NRXN3: variants seen among roughly 807,000 people sequenced by gnomAD.
NRXN3 encodes the protein neurexin 3.
A neutral mutation model predicts 137.6 loss-of-function variants in NRXN3; 32 were observed. That is an observed-to-expected ratio of 0.23 (90% CI 0.18 to 0.31). The LOEUF is 0.31. Among genes scored for constraint, NRXN3 ranks in the 10% least tolerant of loss-of-function variants. The probability of loss-of-function intolerance (pLI) is 1.00; values close to 1 mark genes in which losing one functional copy is unlikely to be tolerated. For synonymous variants in NRXN3, 798 were observed against 784.5 expected, an observed-to-expected ratio of 1.02 and a Z score of -0.29; for missense variants, 1,574 against 2,062.5, an observed-to-expected ratio of 0.76 and a Z score of 4.59.
At chr14:78,702,904 C>T (rs1176558992) in intron 6 of NRXN3, among the ~76,000 whole-genome samples, 1 of 152,156 alleles carries the variant, frequency 6.6e-6, no homozygotes, top group African/African-American at 2.4e-5. Context: ...ACCATCATCT[C>T]CTTTATTTCT....
chr14:79,784,614 C>CTT (rs540234381), intron 19 of NRXN3, among the ~76,000 whole-genome samples: 88 of 76,536 alleles, frequency 1.1e-3, no homozygotes, highest in African/African-American at 3.2e-3. Context: ...TGTTGTGTTG[C>CTT]TTTTTTTTTT....
At chr14:78,814,530 G>A (rs887031510) in intron 10 of NRXN3, among the ~76,000 whole-genome samples, 3 of 152,134 alleles carry the variant, frequency 2.0e-5, no homozygotes, top group African/African-American at 7.2e-5. Context: ...CAGGAGAATC[G>A]CTTGAATCCA....
At chr14:79,700,774 A>C (rs746595852) in intron 19 of NRXN3, among the ~76,000 whole-genome samples, 1 of 152,008 alleles carries the variant, frequency 6.6e-6, no homozygotes, top group Non-Finnish European at 1.5e-5. Flanking sequence ...GATCTTTCTG[A>C]TTCCATTTTG....
At chr14:78,304,624 G>A (rs147113905) in intron 4 of NRXN3, among the ~76,000 whole-genome samples, 5 of 152,170 alleles carry the variant, frequency 3.3e-5, no homozygotes, top group East Asian at 3.8e-4. Context: ...GGGATTGCCC[G>A]TTCTGGATGA....
chr14:79,797,436 G>A (rs1189407766), intron 19 of NRXN3, among the ~76,000 whole-genome samples: 2 of 152,234 alleles, frequency 1.3e-5, no homozygotes, highest in South Asian at 4.1e-4. Flanking sequence ...CATAGACATA[G>A]GATACAAGGG....
At chr14:79,355,420 A>T (rs2093388205) in intron 15 of NRXN3, among the ~76,000 whole-genome samples, 2 of 152,194 alleles carry the variant, frequency 1.3e-5, no homozygotes, top group African/African-American at 4.8e-5. Context: ...AGGAGCAGGG[A>T]TTATAAAGCT....
At chr14:79,261,949 TCA>T (rs895625744) in intron 15 of NRXN3, among the ~76,000 whole-genome samples, 5 of 152,012 alleles carry the variant, frequency 3.3e-5, no homozygotes, top group African/African-American at 1.2e-4. Flanking sequence ...TGTATGACTC[TCA>T]GATGCTAATG....
intron 2 of NRXN3, among the ~76,000 whole-genome samples, chr14:78,271,053 G>C (rs1259736065): frequency 6.6e-6 from 1 of 152,162 alleles, no homozygotes; most frequent in Non-Finnish European, 1.5e-5. Flanking sequence ...TCCAATTCCA[G>C]GAGATCCTCC....
intron 4 of NRXN3, among the ~76,000 whole-genome samples, chr14:78,493,019 A>G (rs1458284193): frequency 6.6e-6 from 1 of 152,116 alleles, no homozygotes; most frequent in African/African-American, 2.4e-5. Context: ...CTGGTTCTGC[A>G]TAGAAAGTCT....
chr14:78,799,062 G>C (rs2098795), intron 8 of NRXN3, among the ~76,000 whole-genome samples: 145,494 of 152,346 alleles, frequency 0.96, 69,821 homozygotes, highest in East Asian at 1. Context: ...TTGTCTTGGC[G>C]ATTAACATTT....
intron 15 of NRXN3, among the ~76,000 whole-genome samples, chr14:79,430,743 A>T (rs1028977257): frequency 1.3e-5 from 2 of 152,206 alleles, no homozygotes; most frequent in Admixed American, 6.5e-5. Context: ...GCAATATGTT[A>T]TGAGTTTTTT....
rs184642323 is a variant in NRXN3, at chr14:78,985,002, C to T, written c.3143-3020C>T. The stretch of plus-strand genomic sequence containing the variant: ...GATGCTTACAATGTAGTCAGTCTTC[C>T]GGTACTATCTGATTCTACATGGCCT... On this transcript the variant is annotated intron_variant, in intron 14 of 20. Coordinates refer to ENST00000335750, the MANE Select transcript of NRXN3 (RefSeq NM_001330195.2). Among the ~76,000 whole-genome samples the T allele has an allele frequency of 3.0e-3, 459 of 152,262 alleles. 3 individuals carry two copies. Among genetic ancestry groups the T allele is most frequent in the African/African-American group, 0.01 (434 of 41,566 alleles).
intron 8 of NRXN3, among the ~76,000 whole-genome samples, chr14:78,743,957 C>T (rs2098594806): frequency 6.6e-6 from 1 of 152,172 alleles, no homozygotes; most frequent in South Asian, 2.1e-4. Flanking sequence ...TCAAAGAGAA[C>T]ACTCCATTGT....
At chr14:79,213,745 C>T (rs1018789913) in intron 15 of NRXN3, among the ~76,000 whole-genome samples, 3 of 152,080 alleles carry the variant, frequency 2.0e-5, no homozygotes, top group Non-Finnish European at 4.4e-5. Context: ...ACTCTTTGCC[C>T]TCTAGCACAT....
At chr14:78,332,866 T>C (rs1376756756) in intron 4 of NRXN3, among the ~76,000 whole-genome samples, 1 of 152,158 alleles carries the variant, frequency 6.6e-6, no homozygotes, top group Non-Finnish European at 1.5e-5. Context: ...TGTAATTTTC[T>C]GAGCATTTGA....
intron 1 of NRXN3, among the ~76,000 whole-genome samples, chr14:78,231,034 G>A (rs559038344): frequency 1.3e-5 from 2 of 152,212 alleles, no homozygotes; most frequent in South Asian, 2.1e-4. Flanking sequence ...TGCAGCTTAC[G>A]GCCTCCCCTG....
At chr14:78,625,695 A>T (rs1197547828) in intron 4 of NRXN3, among the ~76,000 whole-genome samples, 2 of 152,156 alleles carry the variant, frequency 1.3e-5, no homozygotes, top group African/African-American at 4.8e-5. Context: ...ATGATGCTCA[A>T]CAATCAGTCA....
chr14:79,284,147 T>A (rs535685421), intron 15 of NRXN3, among the ~76,000 whole-genome samples: 1 of 150,940 alleles, frequency 6.6e-6, no homozygotes, highest in African/African-American at 2.4e-5. Context: ...AAGCAACTTT[T>A]GTATATTTTT....
At chr14:78,173,449 G>C (rs1309634954) in intron 1 of NRXN3, among the ~76,000 whole-genome samples, 1 of 143,820 alleles carries the variant, frequency 7.0e-6, no homozygotes, top group Non-Finnish European at 1.6e-5. Context: ...CGGGTTGTCA[G>C]TCTTGGATGA....
Sources: allele counts gnomAD v4.1 joint callset (sites outside exome capture counted in the v4.1 genomes callset), GRCh38; gene constraint gnomAD v4.1.1; transcripts MANE v1.5; gene names NCBI Gene and HGNC (gene_info 2026-07-23, HGNC 2026-07-21).